BANF2: variants seen among roughly 807,000 people sequenced by gnomAD.
BANF2 encodes the protein barrier-to-autointegration factor-like protein.
Under a neutral mutation model 8.0 loss-of-function variants are expected in BANF2, and 4 were observed. The ratio of observed to expected loss-of-function variants is 0.50; its 90% CI spans 0.25 to 1.14. The LOEUF (loss-of-function observed/expected upper bound fraction) is 1.14, where lower values mean the gene tolerates loss of function less well. Among genes scored for constraint, BANF2 ranks in the 50% most tolerant of loss-of-function variants. The pLI is 0.16. For synonymous variants in BANF2, 50 were observed against 40.6 expected, an observed-to-expected ratio of 1.23 and a Z score of -0.88; for missense variants, 96 against 107.5, an observed-to-expected ratio of 0.89 and a Z score of 0.47.
intron 2 of BANF2, among the ~76,000 whole-genome samples, chr20:17,723,978 A>G (rs1163352205): frequency 6.6e-6 from 1 of 152,204 alleles, no homozygotes; most frequent in Non-Finnish European, 1.5e-5. Flanking sequence ...CTGGGCAACA[A>G]GAGCGAAACT....
chr20:17,730,954 A>G (rs953876471), intron 3 of BANF2, among the ~76,000 whole-genome samples: 1 of 152,232 alleles, frequency 6.6e-6, no homozygotes, highest in African/African-American at 2.4e-5. Flanking sequence ...AGGGGTAAAC[A>G]TTCCCTGAAG....
chr20:17,703,617 G>A lies in BANF2; in HGVS notation c.-167+3562G>A, dbSNP rs772927203. On this transcript the variant is annotated intron_variant, in intron 1 of 3. Transcript: ENST00000246090. ...GGGTCACTCAGCTGGGGGCTAGGCT[G>A]GACAGGGTGGCCCAAGAAGGCCTCA... is the stretch of plus-strand genomic sequence containing the variant. Among the ~76,000 whole-genome samples, 260 of 152,304 alleles carry A rather than the reference G, an allele frequency of 1.7e-3. 3 individuals carry two copies. Among genetic ancestry groups the A allele is most frequent in the Middle Eastern group, 3.4e-3 (1 of 294 alleles).
At chr20:17,719,026 C>T (rs918045114) in intron 1 of BANF2, among the ~76,000 whole-genome samples, 14 of 152,262 alleles carry the variant, frequency 9.2e-5, no homozygotes, top group African/African-American at 2.6e-4. Flanking sequence ...GCAGCTCGCC[C>T]GGGGTTACAA....
chr20:17,732,790 C>T (rs1029432077), intron 3 of BANF2, among the ~76,000 whole-genome samples: 18 of 152,190 alleles, frequency 1.2e-4, no homozygotes, highest in African/African-American at 4.3e-4. Flanking sequence ...CCCTCCCACC[C>T]CAGTAGCTGA....
At chr20:17,720,762 C>T (rs903452239) in intron 1 of BANF2, among the ~76,000 whole-genome samples, 1 of 152,176 alleles carries the variant, frequency 6.6e-6, no homozygotes, top group African/African-American at 2.4e-5. Context: ...CATTACTGAA[C>T]CGTGCACTTA....
chr20:17,706,843 G>A (rs1020629052), intron 1 of BANF2, among the ~76,000 whole-genome samples: 8 of 152,208 alleles, frequency 5.3e-5, no homozygotes, highest in Non-Finnish European at 7.3e-5. Context: ...TGGCATATGT[G>A]TATCTTTGGT....
intron 1 of BANF2, among the ~76,000 whole-genome samples, chr20:17,714,136 G>A (rs1378914469): frequency 7.2e-6 from 1 of 138,882 alleles, no homozygotes; most frequent in African/African-American, 2.8e-5. Flanking sequence ...GGCAGAGATT[G>A]TAGTGAGCCG....
intron 1 of BANF2, chr20:17,693,791 AGAGGTGTGTCCAGTGGGAG>A (rs1411557726): frequency 1.4e-6 from 2 of 1,477,856 alleles, no homozygotes; most frequent in Non-Finnish European, 9.2e-7. Flanking sequence ...CCTGGCTAGG[AGAGGTGTGTCCAGTGGGAG>A]GAGGTGCTTT....
intron 3 of BANF2, among the ~76,000 whole-genome samples, chr20:17,726,114 G>A (rs1466375737): frequency 1.3e-5 from 2 of 152,196 alleles, no homozygotes; most frequent in African/African-American, 4.8e-5. Context: ...ATTCTTTCCT[G>A]CCAGACGAAG....
chr20:17,708,045 TCAAAAAAAA>T (rs1429062381), intron 1 of BANF2, among the ~76,000 whole-genome samples: 16 of 58,566 alleles, frequency 2.7e-4, no homozygotes, highest in Non-Finnish European at 5.6e-4. Flanking sequence ...CTACTAAAAA[TCAAAAAAAA>T]AAAAAAAAAA....
rs117707437 is a variant in BANF2 at position 17,705,859 on chromosome 20, G to A, written c.-167+5804G>A. On this transcript the variant is annotated intron_variant, in intron 1 of 3. Transcript: ENST00000246090. ...ACCTCAGGGCAGCCCTGTCCTCCTGGTTGTGTTCCTGCTGTCTGGAGTCTG... is the reference window on the plus strand; with the variant it reads ...ACCTCAGGGCAGCCCTGTCCTCCTGATTGTGTTCCTGCTGTCTGGAGTCTG... 4.3e-3 allele frequency among the ~76,000 whole-genome samples: 649 copies of A among 152,318 alleles called. 8 individuals are homozygous for A. Among genetic ancestry groups the A allele is most frequent in the East Asian group, 0.037 (193 of 5,188 alleles).
chr20:17,724,268 T>G lies in BANF2; in HGVS notation c.-3-755T>G, dbSNP rs139329303. ...TTGCCTGGGGCCTGCAATCTAAAGT[T>G]GCAGGAAATTGATGAGCAAGTCCTG... On this transcript the variant is annotated intron_variant, in intron 2 of 3. Transcript: ENST00000246090. Among the ~76,000 whole-genome samples, 47 of 152,322 alleles carry G rather than the reference T, an allele frequency of 3.1e-4. No individual in the cohort carries two copies. In the East Asian group the frequency reaches 8.7e-3, roughly 28 times the overall value.
upstream of BANF2, among the ~76,000 whole-genome samples, chr20:17,697,232 C>T (rs117595843): frequency 0.013 from 2,013 of 152,298 alleles, 20 homozygotes; most frequent in Non-Finnish European, 0.023. Context: ...AGCTCCACCT[C>T]CATATTCTTA....
At chr20:17,732,368 TTTTG>T (rs971503012) in intron 3 of BANF2, among the ~76,000 whole-genome samples, 7 of 152,298 alleles carry the variant, frequency 4.6e-5, no homozygotes, top group Middle Eastern at 3.4e-3. Context: ...GCCCCCATCC[TTTTG>T]TTTGTTTGTT....
At chr20:17,703,524 A>T (rs1318996777) in intron 1 of BANF2, among the ~76,000 whole-genome samples, 1 of 152,162 alleles carries the variant, frequency 6.6e-6, no homozygotes, top group African/African-American at 2.4e-5. Context: ...AACAGCAAAG[A>T]TTCGTATTTC....
At chr20:17,695,601 GGTGTGTGT>G (rs71192402), upstream of BANF2, among the ~76,000 whole-genome samples, 2 of 149,790 alleles carry the variant, frequency 1.3e-5, no homozygotes, top group African/African-American at 4.9e-5. Flanking sequence ...AAAAACCTAG[GGTGTGTGT>G]GTGTGTGTGT....
intron 1 of BANF2, chr20:17,712,408 G>A (rs371682): frequency 0.42 from 176,861 of 420,364 alleles, 38,939 homozygotes; most frequent in African/African-American, 0.6. Flanking sequence ...AGAAGTGACT[G>A]TTGTTGTCAT....
At chr20:17,693,991 G>A (rs2037321269) in intron 1 of BANF2, among the ~76,000 whole-genome samples, 1 of 152,214 alleles carries the variant, frequency 6.6e-6, no homozygotes, top group Non-Finnish European at 1.5e-5. Flanking sequence ...CCACTGGGGT[G>A]GGAACAAGCA....
intron 1 of BANF2, among the ~76,000 whole-genome samples, chr20:17,703,740 C>CTT (rs373982840): frequency 0.16 from 19,388 of 122,438 alleles, 2,180 homozygotes; most frequent in African/African-American, 0.26. Context: ...AGTAGGCTGA[C>CTT]TTTTTTTTTT....
Sources: gnomAD v4.1 joint callset for allele counts (sites outside exome capture counted in the v4.1 genomes callset) on GRCh38, gnomAD v4.1.1 for gene constraint, MANE v1.5 for transcripts, NCBI Gene and HGNC (gene_info 2026-07-23, HGNC 2026-07-21) for gene names.